Variants in SHANK2 observed in about 807,000 individuals in gnomAD.
SHANK2 encodes the protein SH3 and multiple ankyrin repeat domains protein 2.
In SHANK2, 43 loss-of-function variants were observed where a neutral mutation model predicts 133.7. That is an observed-to-expected ratio of 0.32 (90% CI 0.25 to 0.41). The LOEUF (loss-of-function observed/expected upper bound fraction) is 0.41. SHANK2 is among the 10% of genes least tolerant of loss of function. The probability of loss-of-function intolerance (pLI) is 1.00; values close to 1 mark genes in which losing one functional copy is unlikely to be tolerated. For synonymous variants in SHANK2, 1,017 were observed against 952.8 expected, an observed-to-expected ratio of 1.07 and a Z score of -1.24; for missense variants, 1,994 against 2,235.8, an observed-to-expected ratio of 0.89 and a Z score of 2.18.
intron 14 of SHANK2, among the ~76,000 whole-genome samples, chr11:70,718,454 C>G (rs1276481972): frequency 3.4e-5 from 5 of 145,582 alleles, no homozygotes; most frequent in African/African-American, 1.3e-4. Flanking sequence ...CTTGGGGCAT[C>G]AGGAGGCAAG....
chr11:70,506,838 T>G (rs973896064), intron 17 of SHANK2, among the ~76,000 whole-genome samples: 1 of 152,140 alleles, frequency 6.6e-6, no homozygotes, highest in African/African-American at 2.4e-5. Flanking sequence ...CGGGGTGTCC[T>G]CAGTAAACAG....
intron 1 of SHANK2, among the ~76,000 whole-genome samples, chr11:71,225,807 G>C (rs578211493): frequency 6.6e-6 from 1 of 152,304 alleles, no homozygotes; most frequent in East Asian, 1.9e-4. Context: ...TTTCACCAAA[G>C]ATATAAAAAA....
intron 14 of SHANK2, among the ~76,000 whole-genome samples, chr11:70,721,471 C>T (rs1462927916): frequency 6.6e-6 from 1 of 152,240 alleles, no homozygotes; most frequent in Non-Finnish European, 1.5e-5. Context: ...ATTGTAGGGG[C>T]TGGGCTCCAC....
intron 17 of SHANK2, among the ~76,000 whole-genome samples, chr11:70,509,317 T>G (rs2059171228): frequency 6.6e-6 from 1 of 152,236 alleles, no homozygotes. Context: ...CTGCCCAATG[T>G]GAGCAGACAC....
At chr11:71,215,245 C>T (rs916482275) in intron 2 of SHANK2, among the ~76,000 whole-genome samples, 4 of 152,236 alleles carry the variant, frequency 2.6e-5, no homozygotes, top group Non-Finnish European at 5.9e-5. Context: ...CTCTGAGCCT[C>T]GGTGTCCACC....
intron 17 of SHANK2, among the ~76,000 whole-genome samples, chr11:70,556,931 C>T (rs2059839816): frequency 6.6e-6 from 1 of 152,058 alleles, no homozygotes; most frequent in Admixed American, 6.5e-5. Context: ...CTGTGTTGCC[C>T]AGGCTGGTCT....
intron 11 of SHANK2, among the ~76,000 whole-genome samples, chr11:70,856,080 T>C (rs1460615953): frequency 6.7e-6 from 1 of 149,906 alleles, no homozygotes; most frequent in Non-Finnish European, 1.5e-5. Context: ...GGTAAATGGA[T>C]AGATGAGTGG....
chr11:71,104,886 C>T (rs1951779383), intron 6 of SHANK2, among the ~76,000 whole-genome samples: 1 of 152,248 alleles, frequency 6.6e-6, no homozygotes, highest in South Asian at 2.1e-4. Flanking sequence ...TGTGGGTCTG[C>T]ACTTGGCCTT....
intron 3 of SHANK2, among the ~76,000 whole-genome samples, chr11:71,119,967 T>C (rs185545548): frequency 1.2e-4 from 18 of 152,320 alleles, no homozygotes; most frequent in African/African-American, 3.6e-4. Flanking sequence ...ACGCTGACTC[T>C]GAACACAAAA....
intron 22 of SHANK2, 59 bp from the exon 23 acceptor site, chr11:70,490,446 C>G: frequency 7.0e-7 from 1 of 1,428,798 alleles, no homozygotes; most frequent in Non-Finnish European, 9.9e-7. Flanking sequence ...CCCACGGTCA[C>G]AGGGCCCAGA....
chr11:70,597,089 A>C (rs1554989735), intron 17 of SHANK2, among the ~76,000 whole-genome samples: 1 of 151,958 alleles, frequency 6.6e-6, no homozygotes, highest in Non-Finnish European at 1.5e-5. Flanking sequence ...ACCGGTGCTC[A>C]GGGGGTGACT....
intron 3 of SHANK2, among the ~76,000 whole-genome samples, chr11:71,135,356 T>A (rs146896539): frequency 4.9e-4 from 74 of 152,210 alleles, no homozygotes; most frequent in African/African-American, 1.8e-3. Flanking sequence ...CCCAGGCGCT[T>A]AGCTGTGAAA....
At chr11:70,752,654 C>T (rs1210178374) in intron 14 of SHANK2, among the ~76,000 whole-genome samples, 4 of 144,850 alleles carry the variant, frequency 2.8e-5, no homozygotes, top group East Asian at 2.0e-4. Context: ...TGCAGTGAGC[C>T]GAAATCGCGC....
rs1369612270 is a variant in SHANK2 at position 70,569,904 on chromosome 11, A to C, written c.2062-66973T>G. Among the ~76,000 whole-genome samples, 1 of 151,794 alleles carries C rather than the reference A, an allele frequency of 6.6e-6. No individual in the cohort carries two copies. The highest frequency in any genetic ancestry group is 6.6e-5 in the Admixed American group (1 of 15,238). ...GACGGGGACGACGGTACAGAGCAAGACAGAGACACTCACCGAGACAGAGAC... is the reference window on the plus strand; with the variant it reads ...GACGGGGACGACGGTACAGAGCAAGCCAGAGACACTCACCGAGACAGAGAC... On this transcript the variant is annotated intron_variant, in intron 17 of 25. Transcript: ENST00000601538. The surrounding 1 kb of genome is among the most constrained non-coding windows in gnomAD (Gnocchi z 5.1).
chr11:70,493,089 C>T (rs1477138232), intron 21 of SHANK2, among the ~76,000 whole-genome samples: 8 of 151,308 alleles, frequency 5.3e-5, no homozygotes, highest in Admixed American at 1.3e-4. Context: ...TGGGCCATTT[C>T]TTTAGTGGAA....
chr11:70,545,733 C>G (rs924618116), intron 17 of SHANK2, among the ~76,000 whole-genome samples: 23 of 152,236 alleles, frequency 1.5e-4, no homozygotes, highest in African/African-American at 4.6e-4. Flanking sequence ...TCAATTCTGA[C>G]AGTACCTCCC....
chr11:70,724,948 G>A (rs1260081711), intron 14 of SHANK2, among the ~76,000 whole-genome samples: 1 of 152,130 alleles, frequency 6.6e-6, no homozygotes, highest in African/African-American at 2.4e-5. Flanking sequence ...AAGTCCTCAA[G>A]GTAGTTAAAA....
intron 8 of SHANK2, among the ~76,000 whole-genome samples, chr11:71,080,092 T>C (rs906650980): frequency 0.054 from 8,213 of 152,196 alleles, 275 homozygotes; most frequent in East Asian, 0.13. Context: ...GGGTGTCTGG[T>C]CTCTGGCTGT....
chr11:71,073,136 C>CTTTTCTTTTTTTTTTTTTTTT (rs1951164763), intron 9 of SHANK2, among the ~76,000 whole-genome samples: 6 of 72,396 alleles, frequency 8.3e-5, no homozygotes, highest in Admixed American at 1.5e-4. Context: ...TGTTTTTTTT[C>CTTTTCTTTTTTTTTTTTTTTT]TTTTTCTTTT....
Sources: allele counts gnomAD v4.1 joint callset (sites outside exome capture counted in the v4.1 genomes callset), GRCh38; gene constraint gnomAD v4.1.1; non-coding constraint Gnocchi (gnomAD v3.1); transcripts MANE v1.5; gene names NCBI Gene and HGNC (gene_info 2026-07-23, HGNC 2026-07-21).